GALNT13: variants seen among roughly 807,000 people sequenced by gnomAD.
GALNT13 encodes the protein polypeptide N-acetylgalactosaminyltransferase 13.
A neutral mutation model predicts 64.2 loss-of-function variants in GALNT13; 28 were observed. The ratio of observed to expected loss-of-function variants is 0.44; its 90% CI spans 0.32 to 0.60. The LOEUF is 0.60. Ranked by LOEUF, GALNT13 falls within the 20% of genes least tolerant of loss-of-function variation. The probability of loss-of-function intolerance (pLI) is 0.05; values close to 1 mark genes in which losing one functional copy is unlikely to be tolerated. For synonymous variants in GALNT13, 214 were observed against 224.6 expected, an observed-to-expected ratio of 0.95 and a Z score of 0.42; for missense variants, 577 against 669.8, an observed-to-expected ratio of 0.86 and a Z score of 1.53.
At chr2:154,098,631 A>G (rs1283905574) in intron 3 of GALNT13, among the ~76,000 whole-genome samples, 1 of 151,930 alleles carries the variant, frequency 6.6e-6, no homozygotes, top group African/African-American at 2.4e-5. Flanking sequence ...CTTTATGTTT[A>G]TGTGTACCCA....
At chr2:153,268,012 C>T in the GALNT13 span, among the ~76,000 whole-genome samples, 1 of 152,056 alleles carries the variant, frequency 6.6e-6, no homozygotes. Flanking sequence ...GGACACAGAG[C>T]CAAACCATCC....
At chr2:153,650,608 G>C in the GALNT13 span, among the ~76,000 whole-genome samples, 1 of 152,138 alleles carries the variant, frequency 6.6e-6, no homozygotes, top group Non-Finnish European at 1.5e-5. Flanking sequence ...GGTACAGGTT[G>C]TTCCTTTCCA....
chr2:153,959,168 C>T lies in GALNT13; in HGVS notation c.142+14529C>T, dbSNP rs527659470. ...TAGAAAGAATGTCAGTGCTGAAAAT[C>T]CCAGAGCATATTGGGGGGTGGCCAA... On this transcript the variant is annotated intron_variant, in intron 3 of 12. Coordinates refer to ENST00000392825, the MANE Select transcript of GALNT13 (RefSeq NM_052917.4). Among the ~76,000 whole-genome samples, 126 of 152,288 alleles carry T rather than the reference C, an allele frequency of 8.3e-4. No individual in the cohort carries two copies. In the Middle Eastern group the frequency reaches 0.014, roughly 16 times the overall value.
the GALNT13 span, chr2:153,478,170 AGG>A: frequency 7.6e-7 from 1 of 1,307,730 alleles, no homozygotes; most frequent in Non-Finnish European, 1.1e-6. Flanking sequence ...TCTGATAGTG[AGG>A]GGCACAGCCG....
intron 3 of GALNT13, among the ~76,000 whole-genome samples, chr2:154,024,330 C>T (rs1404032313): frequency 1.3e-5 from 2 of 152,102 alleles, no homozygotes; most frequent in African/African-American, 2.4e-5. Flanking sequence ...CTTTCAGGTA[C>T]ACCAATCAGA....
chr2:154,060,949 T>C (rs1700147946), intron 3 of GALNT13, among the ~76,000 whole-genome samples: 1 of 152,104 alleles, frequency 6.6e-6, no homozygotes, highest in Admixed American at 6.5e-5. Flanking sequence ...AAATTATTAT[T>C]TATAAAGGGA....
intron 2 of GALNT13, among the ~76,000 whole-genome samples, chr2:153,908,692 A>G (rs1285285609): frequency 6.6e-6 from 1 of 152,108 alleles, no homozygotes; most frequent in Non-Finnish European, 1.5e-5. Context: ...GTGGAAGACC[A>G]GATGGTTGTA....
chr2:153,565,012 T>C, the GALNT13 span, among the ~76,000 whole-genome samples: 1 of 152,088 alleles, frequency 6.6e-6, no homozygotes, highest in African/African-American at 2.4e-5. Context: ...AATGCATTCT[T>C]CTAACAAGCT....
chr2:154,107,766 C>T (rs879504916), intron 3 of GALNT13, among the ~76,000 whole-genome samples: 56 of 152,106 alleles, frequency 3.7e-4, no homozygotes, highest in African/African-American at 9.2e-4. Context: ...ATTCCCTCCA[C>T]GCTCCAATTT....
chr2:153,578,896 A>G, the GALNT13 span, among the ~76,000 whole-genome samples: 1 of 152,216 alleles, frequency 6.6e-6, no homozygotes, highest in Non-Finnish European at 1.5e-5. Flanking sequence ...ACAGAGGACC[A>G]TAAAAAAACC....
chr2:153,601,168 T>C, the GALNT13 span, among the ~76,000 whole-genome samples: 1 of 151,838 alleles, frequency 6.6e-6, no homozygotes, highest in African/African-American at 2.4e-5. Flanking sequence ...GTAGGCTTTT[T>C]TTTTTTGCCC....
chr2:154,304,392 C>G (rs1180167737), intron 9 of GALNT13, among the ~76,000 whole-genome samples: 2 of 152,022 alleles, frequency 1.3e-5, no homozygotes, highest in Non-Finnish European at 2.9e-5. Flanking sequence ...GAATTCAAAT[C>G]ATTACTTGTA....
the GALNT13 span, among the ~76,000 whole-genome samples, chr2:153,654,029 A>G: frequency 6.6e-6 from 1 of 152,218 alleles, no homozygotes; most frequent in South Asian, 2.1e-4. Flanking sequence ...ACAATCATAT[A>G]TATTATGCAC....
the GALNT13 span, among the ~76,000 whole-genome samples, chr2:153,616,763 A>G: frequency 1.3e-5 from 2 of 151,942 alleles, no homozygotes; most frequent in African/African-American, 4.8e-5. Context: ...TGATTTTCTT[A>G]TTTGGGATGA....
the GALNT13 span, among the ~76,000 whole-genome samples, chr2:153,510,395 G>A: frequency 1.5e-4 from 23 of 152,172 alleles, no homozygotes; most frequent in Non-Finnish European, 2.8e-4. Context: ...TGAGTGTCTA[G>A]GATAAGCCAG....
the GALNT13 span, among the ~76,000 whole-genome samples, chr2:153,747,693 C>T: frequency 6.6e-6 from 1 of 152,000 alleles, no homozygotes; most frequent in Admixed American, 6.6e-5. Flanking sequence ...TCCCAAAGTG[C>T]TGGGATTACA....
chr2:153,238,471 A>G, the GALNT13 span, among the ~76,000 whole-genome samples: 3 of 152,028 alleles, frequency 2.0e-5, no homozygotes, highest in Non-Finnish European at 4.4e-5. Flanking sequence ...GATGTCTTAG[A>G]TTTAAGTCTT....
the GALNT13 span, among the ~76,000 whole-genome samples, chr2:153,809,238 G>A: frequency 1.3e-3 from 197 of 152,098 alleles, no homozygotes; most frequent in Admixed American, 3.9e-3. Context: ...CACATTATTC[G>A]TTGAAACATT....
At chr2:153,115,323 A>T in the GALNT13 span, among the ~76,000 whole-genome samples, 2 of 152,200 alleles carry the variant, frequency 1.3e-5, no homozygotes, top group Non-Finnish European at 2.9e-5. Flanking sequence ...GAAATACAAG[A>T]TTGAGAACAT....
Sources: allele counts gnomAD v4.1 joint callset (sites outside exome capture counted in the v4.1 genomes callset), GRCh38; gene constraint gnomAD v4.1.1; transcripts MANE v1.5; gene names NCBI Gene and HGNC (gene_info 2026-07-23, HGNC 2026-07-21).